Variants in PDE3B observed in about 807,000 individuals in gnomAD.
The protein encoded by PDE3B is phosphodiesterase 3B.
Under a neutral mutation model 116.8 loss-of-function variants are expected in PDE3B, and 66 were observed. That is an observed-to-expected ratio of 0.56 (90% CI 0.46 to 0.69). The LOEUF is 0.69. Among genes scored for constraint, PDE3B ranks in the 30% least tolerant of loss-of-function variants. The probability of loss-of-function intolerance (pLI) is 0.00; values close to 1 mark genes in which losing one functional copy is unlikely to be tolerated. For missense variants in PDE3B, 1,384 were observed against 1,368.1 expected, an observed-to-expected ratio of 1.01 and a Z score of -0.18; for synonymous variants, 595 against 533.6, an observed-to-expected ratio of 1.12 and a Z score of -1.59.
intron 5 of PDE3B, among the ~76,000 whole-genome samples, chr11:14,808,989 T>A (rs1859037731): frequency 6.6e-6 from 1 of 152,180 alleles, no homozygotes; most frequent in African/African-American, 2.4e-5. Flanking sequence ...TTTGCCAAAA[T>A]TGACAGTCTG....
At chr11:14,878,128 T>A in the PDE3B span, 5 of 1,612,906 alleles carry the variant, frequency 3.1e-6, no homozygotes, top group Non-Finnish European at 4.2e-6. Context: ...AGTTTCAGCG[T>A]CTTTCAGCAC....
chr11:14,707,411 CAGAT>C (rs1469327080), intron 1 of PDE3B, among the ~76,000 whole-genome samples: 1 of 151,890 alleles, frequency 6.6e-6, no homozygotes, highest in Non-Finnish European at 1.5e-5. Context: ...CTATCTTTCA[CAGAT>C]AGCCTTGGGC....
intron 1 of PDE3B, among the ~76,000 whole-genome samples, chr11:14,731,255 A>ATTTTTTTTTT (rs778089171): frequency 8.3e-6 from 1 of 121,140 alleles, no homozygotes; most frequent in African/African-American, 3.1e-5. Context: ...TTTTACTTTG[A>ATTTTTTTTTT]TTTTTTTTTT....
At chr11:14,735,984 G>C (rs1203127621) in intron 1 of PDE3B, among the ~76,000 whole-genome samples, 1 of 151,886 alleles carries the variant, frequency 6.6e-6, no homozygotes, top group Non-Finnish European at 1.5e-5. Flanking sequence ...GTGTGTGTGT[G>C]TGTGTGTGTG....
At chr11:14,769,607 A>G (rs970977051) in intron 1 of PDE3B, among the ~76,000 whole-genome samples, 2 of 147,272 alleles carry the variant, frequency 1.4e-5, no homozygotes, top group East Asian at 1.9e-4. Flanking sequence ...ATATATATAT[A>G]TATATATTTA....
At chr11:14,674,540 C>A in intron 1 of PDE3B, 1 of 470,430 alleles carries the variant, frequency 2.1e-6, no homozygotes. Flanking sequence ...GGCTTTGGGT[C>A]CTGTTTTGAA....
chr11:14,818,667 G>T (rs1054244560), intron 6 of PDE3B, among the ~76,000 whole-genome samples: 4 of 151,864 alleles, frequency 2.6e-5, no homozygotes, highest in African/African-American at 7.2e-5. Context: ...CTAGATGATG[G>T]ATTCAGCCTA....
intron 5 of PDE3B, among the ~76,000 whole-genome samples, chr11:14,809,724 C>T (rs1008519006): frequency 6.6e-6 from 1 of 152,110 alleles, no homozygotes; most frequent in South Asian, 2.1e-4. Context: ...AGGAAGCTAG[C>T]TATCCTGTCA....
intron 1 of PDE3B, among the ~76,000 whole-genome samples, chr11:14,679,840 TGG>T (rs1480015032): frequency 2.0e-5 from 3 of 152,054 alleles, no homozygotes; most frequent in Admixed American, 2.0e-4. Context: ...GTTCACGGAA[TGG>T]AGCAAAGTCC....
At chr11:14,722,480 G>A (rs1487803040) in intron 1 of PDE3B, among the ~76,000 whole-genome samples, 2 of 152,150 alleles carry the variant, frequency 1.3e-5, no homozygotes, top group Non-Finnish European at 2.9e-5. Flanking sequence ...TTCCAAAGAC[G>A]AAACAAGGAG....
In PDE3B at chr11:14,870,875, AACC is replaced by A. The variant is rs1308436015; in HGVS notation, c.*1218_*1220del. ...TTCATACAAAAGTACATTATTAAAT[AACC>A]ACATTATTAAAATAATTGCAAGAAA... On this transcript the variant is annotated 3_prime_UTR_variant, in exon 16 of 16. Transcript: ENST00000282096. The surrounding 1 kb of genome is among the most constrained non-coding windows in gnomAD (Gnocchi z 4.1). The A allele has an allele frequency of 3.9e-5, 6 of 152,230 alleles. No homozygotes were observed. Among genetic ancestry groups the A allele is most frequent in the African/African-American group, 1.2e-4 (5 of 41,462 alleles). The allele number at this position is 152,230 out of a possible 1,614,324, so 9.4% of individuals were successfully genotyped here.
Position 14,869,751 on chromosome 11 carries a change from C to T in PDE3B, c.*91C>T. 2.0e-6 allele frequency: 2 copies of T among 1,022,150 alleles called. No homozygotes were observed. Among genetic ancestry groups the T allele is most frequent in the Non-Finnish European group, 2.9e-6 (2 of 685,806 alleles). The allele number at this position is 1,022,150 out of a possible 1,614,324, so 63.3% of individuals were successfully genotyped here. On this transcript the variant is annotated 3_prime_UTR_variant, in exon 16 of 16. Coordinates refer to ENST00000282096, the MANE Select transcript of PDE3B (RefSeq NM_000922.4). ...TCATTGCCTAGTGTTCACCGGCTGA[C>T]TCTCAACTGACCATTCCCATGTGGA...
chr11:14,779,411 C>T (rs1207022815), intron 2 of PDE3B, among the ~76,000 whole-genome samples: 2 of 152,148 alleles, frequency 1.3e-5, no homozygotes, highest in Non-Finnish European at 1.5e-5. Context: ...TTAAGGGCAG[C>T]CAGAGAGAAA....
chr11:14,749,669 G>A (rs1435973343), intron 1 of PDE3B, among the ~76,000 whole-genome samples: 1 of 151,084 alleles, frequency 6.6e-6, no homozygotes, highest in Non-Finnish European at 1.5e-5. Flanking sequence ...TGTCACAAAG[G>A]CCTTCTCTGT....
the PDE3B span, chr11:14,878,391 A>G: frequency 2.5e-6 from 3 of 1,219,538 alleles, no homozygotes; most frequent in South Asian, 4.1e-5. Flanking sequence ...GAAATCTGGA[A>G]TTTAAACAAA....
rs761661388 is a variant in PDE3B at position 14,799,485 on chromosome 11, CT to C, written c.1416-4457del. 2.0e-5 allele frequency among the ~76,000 whole-genome samples: 3 copies of C among 152,074 alleles called. No individual in the cohort carries two copies. The East Asian group carries it at 5.8e-4, about 29-fold the overall frequency. ...GAGCTGAGTTCAAGTCCTGAATATC[CT>C]TGTTAATTTTCTGTCTCGTTGATCT... On this transcript the variant is annotated intron_variant, in intron 4 of 15. Transcript: ENST00000282096.
At chr11:14,762,153 A>G (rs919066033) in intron 1 of PDE3B, among the ~76,000 whole-genome samples, 1 of 148,298 alleles carries the variant, frequency 6.7e-6, no homozygotes, top group Non-Finnish European at 1.5e-5. Flanking sequence ...CGGATTTTAT[A>G]CTTTTTTTTT....
chr11:14,789,315 A>C, intron 4 of PDE3B, 73 bp downstream of exon 4: 6 of 1,171,782 alleles, frequency 5.1e-6, no homozygotes, highest in Non-Finnish European at 7.4e-6. Flanking sequence ...AATGTTTCAA[A>C]TAGTTCTGGA....
At position 14,693,527 on chromosome 11, in the gene PDE3B, C is replaced by T. The variant is rs189882993; in HGVS notation, c.978+48474C>T. Among the ~76,000 whole-genome samples, 289 of 152,242 alleles carry T rather than the reference C, an allele frequency of 1.9e-3. 1 individual carries two copies. The highest frequency in any genetic ancestry group is 6.6e-3 in the African/African-American group (274 of 41,552). ...TTCCCATTCTGAAAATCCTAGGGCC[C>T]TTAAGAATTATGGTAAATCTACTCT... On this transcript the variant is annotated intron_variant, in intron 1 of 15. Coordinates refer to ENST00000282096, the MANE Select transcript of PDE3B (RefSeq NM_000922.4).
Sources: gnomAD v4.1 joint callset for allele counts (sites outside exome capture counted in the v4.1 genomes callset) on GRCh38, gnomAD v4.1.1 for gene constraint, Gnocchi (gnomAD v3.1) non-coding constraint, MANE v1.5 for transcripts, NCBI Gene and HGNC (gene_info 2026-07-23, HGNC 2026-07-21) for gene names.